The following EPSTI1 variants were observed in gnomAD, a reference collection of about 807,000 sequenced individuals.
EPSTI1 encodes epithelial-stromal interaction protein 1.
A neutral mutation model predicts 49.9 loss-of-function variants in EPSTI1; 66 were observed. The ratio of observed to expected loss-of-function variants is 1.32; its 90% CI spans 1.08 to 1.62. The LOEUF is 1.62. Among genes scored for constraint, EPSTI1 ranks in the 40% most tolerant of loss-of-function variants. EPSTI1 has a pLI of 0.00. For synonymous variants in EPSTI1, 137 were observed against 130.7 expected, an observed-to-expected ratio of 1.05 and a Z score of -0.33; for missense variants, 394 against 365.5, an observed-to-expected ratio of 1.08 and a Z score of -0.64.
In EPSTI1 at chr13:42,914,048, T is replaced by C. The variant is rs558462069; in HGVS notation, c.741+3493A>G. Among the ~76,000 whole-genome samples the C allele has an allele frequency of 3.3e-3, 503 of 152,292 alleles. 4 individuals carry two copies. The highest frequency in any genetic ancestry group is 0.011 in the African/African-American group (477 of 41,556). ...GTTTCCTGAGGCCTCCCCAGCCATG[T>C]TTTCTGTATAGCCTGTAGAACTGTG... is the stretch of plus-strand genomic sequence containing the variant. On this transcript the variant is annotated intron_variant, in intron 8 of 10. Transcript: ENST00000313624.
chr13:42,982,770 T>A (rs953695761), intron 1 of EPSTI1, among the ~76,000 whole-genome samples: 2 of 148,230 alleles, frequency 1.3e-5, no homozygotes, highest in African/African-American at 4.9e-5. Context: ...CCTTCTCCCA[T>A]CTTTTTCCCC....
intron 10 of EPSTI1, among the ~76,000 whole-genome samples, chr13:42,891,895 A>G (rs1207556656): frequency 1.3e-5 from 2 of 152,220 alleles, no homozygotes; most frequent in Non-Finnish European, 2.9e-5. Flanking sequence ...ATGTTTTAAA[A>G]GTATGTTAGA....
intron 5 of EPSTI1, among the ~76,000 whole-genome samples, chr13:42,955,528 G>A (rs1353040398): frequency 6.6e-6 from 1 of 152,134 alleles, no homozygotes; most frequent in Non-Finnish European, 1.5e-5. Flanking sequence ...ATGGCAGGAC[G>A]CGGTGACTCA....
intron 1 of EPSTI1, among the ~76,000 whole-genome samples, chr13:42,976,825 C>T (rs984717251): frequency 1.3e-5 from 2 of 152,206 alleles, no homozygotes; most frequent in Non-Finnish European, 2.9e-5. Flanking sequence ...TCAAACACCA[C>T]AATTACAATT....
At chr13:42,929,270 A>G (rs1787390798) in intron 6 of EPSTI1, among the ~76,000 whole-genome samples, 1 of 152,228 alleles carries the variant, frequency 6.6e-6, no homozygotes, top group African/African-American at 2.4e-5. Context: ...TGCAATCTAC[A>G]AAGTACCAAA....
intron 1 of EPSTI1, among the ~76,000 whole-genome samples, chr13:42,971,618 G>GGA (rs1555269053): frequency 2.6e-5 from 4 of 151,524 alleles, no homozygotes; most frequent in Non-Finnish European, 4.4e-5. Flanking sequence ...AAGAGGGAGG[G>GGA]AAAAAACCCC....
intron 10 of EPSTI1, among the ~76,000 whole-genome samples, chr13:42,892,618 T>C (rs2037070297): frequency 6.6e-6 from 1 of 152,138 alleles, no homozygotes; most frequent in African/African-American, 2.4e-5. Context: ...CTTGGATAAG[T>C]AGAGATGTGT....
intron 8 of EPSTI1, among the ~76,000 whole-genome samples, chr13:42,905,865 G>A (rs1535900): frequency 0.67 from 101,203 of 152,142 alleles, 34,117 homozygotes; most frequent in East Asian, 0.85. Context: ...AATGCAAACA[G>A]GAGAAGGGTG....
intron 6 of EPSTI1, among the ~76,000 whole-genome samples, chr13:42,939,978 AT>A (rs1421557530): frequency 6.6e-6 from 1 of 152,200 alleles, no homozygotes; most frequent in African/African-American, 2.4e-5. Flanking sequence ...TAGTTTCTCC[AT>A]TTATTCTCTT....
At chr13:42,936,930 A>C (rs937996291) in intron 6 of EPSTI1, among the ~76,000 whole-genome samples, 1 of 152,232 alleles carries the variant, frequency 6.6e-6, no homozygotes, top group African/African-American at 2.4e-5. Context: ...TTCAAGTCAG[A>C]AACTTGGGAG....
At chr13:42,930,496 T>C (rs2038327459) in intron 6 of EPSTI1, among the ~76,000 whole-genome samples, 1 of 152,220 alleles carries the variant, frequency 6.6e-6, no homozygotes, top group Admixed American at 6.5e-5. Context: ...AGATAATCTA[T>C]TGGGATACAC....
At chr13:42,950,957 G>A (rs9315975) in intron 6 of EPSTI1, among the ~76,000 whole-genome samples, 67,845 of 151,810 alleles carry the variant, frequency 0.45, 15,541 homozygotes, top group Middle Eastern at 0.54. Flanking sequence ...AGGAGTTTGA[G>A]ACTACCCTGG....
Position 42,992,155 on chromosome 13 carries a change from C to A in EPSTI1, c.11G>T (p.Arg4Leu), listed in dbSNP as rs113704608. 6 of 1,582,258 alleles carry A rather than the reference C, an allele frequency of 3.8e-6. No homozygotes were observed. Among genetic ancestry groups the A allele is most frequent in the Non-Finnish European group, 4.3e-6 (5 of 1,166,092 alleles). MNTRNRVVNSGLGA... is the reference protein window; with the variant it reads MNTLNRVVNSGLGA... ...GAGCCCGGAGTTCACCACTCTATTG[C>A]GGGTGTTCATGGTTCACAGCCCGCG... The change falls in exon 1 of 11, where the codon CGC becomes CTC. Residue 4 changes from arginine (R) to leucine (L), a missense_variant. By Grantham distance (102) the Arg-to-Leu change is moderately radical (BLOSUM62 -2). Coordinates refer to ENST00000313624, the MANE Select transcript of EPSTI1 (RefSeq NM_033255.5).
Position 42,968,238 on chromosome 13 carries a change from G to A in EPSTI1, c.331+856C>T, listed in dbSNP as rs375861173. On this transcript the variant is annotated intron_variant, in intron 3 of 10. Coordinates refer to ENST00000313624, the MANE Select transcript of EPSTI1 (RefSeq NM_033255.5). The stretch of plus-strand genomic sequence containing the variant: ...GGCACTTGAGATTAGCCCTTTTCAC[G>A]AAATACAGTGGGATGATGATAATAT... Among the ~76,000 whole-genome samples, 9 of 151,668 alleles carry A rather than the reference G, an allele frequency of 5.9e-5. No homozygotes were observed. The East Asian group carries it at 9.7e-4, about 16-fold the overall frequency.
rs968423754 is a variant in EPSTI1 at position 42,922,804 on chromosome 13, G to C, written c.657+3532C>G. ...GCACTGAGTGCTCACAGTAGTGTGA[G>C]AGAGGAGAGCTGGAGAGGCATGAGC... On this transcript the variant is annotated intron_variant, in intron 7 of 10. Transcript: ENST00000313624. The surrounding 1 kb of genome is among the most constrained non-coding windows in gnomAD (Gnocchi z 4.8). 6.6e-6 allele frequency among the ~76,000 whole-genome samples: 1 copy of C among 152,210 alleles called. No homozygotes were observed. The highest frequency in any genetic ancestry group is 6.5e-5 in the Admixed American group (1 of 15,290).
chr13:42,985,662 A>G, intron 1 of EPSTI1, among the ~76,000 whole-genome samples: 1 of 152,216 alleles, frequency 6.6e-6, no homozygotes, highest in East Asian at 1.9e-4. Flanking sequence ...CTAATAGAGG[A>G]GTTCTGCATG....
rs373140192 is a variant in EPSTI1, at chr13:42,951,777, C to T, written c.563+2171G>A. Among the ~76,000 whole-genome samples, 13 of 152,308 alleles carry T rather than the reference C, an allele frequency of 8.5e-5. No individual in the cohort carries two copies. The East Asian group carries it at 2.1e-3, about 25-fold the overall frequency. Reference sequence around the variant, plus strand: ...CTATCCAGTCCTGTGCCCAAGGCCCCTCACTGTTAAGTAGGTCTTCCCTCT... The same window carrying T: ...CTATCCAGTCCTGTGCCCAAGGCCCTTCACTGTTAAGTAGGTCTTCCCTCT... On this transcript the variant is annotated intron_variant, in intron 6 of 10. Coordinates refer to ENST00000313624, the MANE Select transcript of EPSTI1 (RefSeq NM_033255.5).
At chr13:42,974,226 C>T (rs1034418026) in intron 1 of EPSTI1, among the ~76,000 whole-genome samples, 8 of 151,966 alleles carry the variant, frequency 5.3e-5, no homozygotes, top group African/African-American at 1.9e-4. Flanking sequence ...ATCCCAGCTA[C>T]TCGGGATGCT....
At chr13:42,958,049 G>T (rs1244513465) in intron 5 of EPSTI1, among the ~76,000 whole-genome samples, 1 of 152,202 alleles carries the variant, frequency 6.6e-6, no homozygotes, top group Non-Finnish European at 1.5e-5. Context: ...TGGGATTACA[G>T]GCATGAATCA....
Sources: gnomAD v4.1 joint callset for allele counts (sites outside exome capture counted in the v4.1 genomes callset) on GRCh38, gnomAD v4.1.1 for gene constraint, Gnocchi (gnomAD v3.1) non-coding constraint, MANE v1.5 for transcripts, NCBI Gene and HGNC (gene_info 2026-07-23, HGNC 2026-07-21) for gene names.